CYRIB: variants seen among roughly 807,000 people sequenced by gnomAD.
CYRIB encodes CYFIP related Rac1 interactor B.
Under a neutral mutation model 44.2 loss-of-function variants are expected in CYRIB, and 8 were observed. That is an observed-to-expected ratio of 0.18 (90% CI 0.11 to 0.33). The LOEUF (loss-of-function observed/expected upper bound fraction) is 0.33. Among genes scored for constraint, CYRIB ranks in the 10% least tolerant of loss-of-function variants. The pLI is 1.00. For missense variants in CYRIB, 185 were observed against 382.8 expected, an observed-to-expected ratio of 0.48 and a Z score of 4.31; for synonymous variants, 131 against 127.2, an observed-to-expected ratio of 1.03 and a Z score of -0.20.
chr8:130,006,009 A>G (rs983710191), intron 1 of CYRIB, among the ~76,000 whole-genome samples: 7 of 152,058 alleles, frequency 4.6e-5, no homozygotes, highest in African/African-American at 1.7e-4. Flanking sequence ...GCTCATTAAA[A>G]ATATGACTCC....
chr8:129,972,969 G>A (rs1591494914), intron 1 of CYRIB, among the ~76,000 whole-genome samples: 2 of 152,230 alleles, frequency 1.3e-5, no homozygotes, highest in African/African-American at 4.8e-5. Context: ...TCAGTCTTTC[G>A]GAGCATCTGA....
At chr8:130,010,958 T>C (rs2097200347) in intron 1 of CYRIB, among the ~76,000 whole-genome samples, 1 of 152,170 alleles carries the variant, frequency 6.6e-6, no homozygotes, top group South Asian at 2.1e-4. Flanking sequence ...CCCCACGTGA[T>C]GCGCAGCACA....
intron 1 of CYRIB, among the ~76,000 whole-genome samples, chr8:129,933,084 T>G (rs1177098109): frequency 6.6e-6 from 1 of 152,086 alleles, no homozygotes; most frequent in East Asian, 1.9e-4. Context: ...AGCCAAGGAA[T>G]CCCCTAAACT....
At chr8:129,918,456 G>T (rs570242290) in intron 1 of CYRIB, among the ~76,000 whole-genome samples, 4 of 152,244 alleles carry the variant, frequency 2.6e-5, no homozygotes, top group African/African-American at 9.6e-5. Context: ...ACTTCCTGTG[G>T]AAATAATACT....
chr8:129,991,344 A>G (rs1420757766), intron 1 of CYRIB, among the ~76,000 whole-genome samples: 1 of 151,934 alleles, frequency 6.6e-6, no homozygotes, highest in Non-Finnish European at 1.5e-5. Flanking sequence ...GTAATCCCCA[A>G]TGTGGCTGTA....
At chr8:129,859,728 A>G (rs2132118264) in intron 5 of CYRIB, among the ~76,000 whole-genome samples, 1 of 152,362 alleles carries the variant, frequency 6.6e-6, no homozygotes, top group African/African-American at 2.4e-5. Flanking sequence ...ATGATTATAG[A>G]GCGAGGATTA....
At chr8:129,934,159 A>G (rs1255014539) in intron 1 of CYRIB, among the ~76,000 whole-genome samples, 1 of 152,154 alleles carries the variant, frequency 6.6e-6, no homozygotes, top group Non-Finnish European at 1.5e-5. Flanking sequence ...TCCCTGACAC[A>G]GCAATCAAGT....
intron 2 of CYRIB, among the ~76,000 whole-genome samples, chr8:129,888,704 G>A (rs1001290532): frequency 6.6e-6 from 1 of 152,078 alleles, no homozygotes; most frequent in Non-Finnish European, 1.5e-5. Flanking sequence ...AGTAGGCAGG[G>A]GTTTTGTTTT....
chr8:129,906,367 A>C lies in CYRIB; in HGVS notation c.-49-3017T>G, dbSNP rs571122536. Among the ~76,000 whole-genome samples, 6 of 152,382 alleles carry C rather than the reference A, an allele frequency of 3.9e-5. No individual in the cohort carries two copies. The South Asian group carries it at 8.3e-4, about 21-fold the overall frequency. ...GAAATGGGGAAAGGATTCCCTATTC[A>C]ACAAATGGTGCTGGGAAAACTGGCT... is the stretch of plus-strand genomic sequence containing the variant. On this transcript the variant is annotated intron_variant, in intron 1 of 11. Transcript: ENST00000519824.
In CYRIB at chr8:129,979,444, G is replaced by A. The variant is rs188590820; in HGVS notation, c.-295-8449C>T. Among the ~76,000 whole-genome samples the A allele has an allele frequency of 8.5e-5, 13 of 152,242 alleles. No individual in the cohort carries two copies. In the East Asian group the frequency reaches 2.3e-3, roughly 27 times the overall value. On this transcript the variant is annotated intron_variant, in intron 1 of 14. Coordinates refer to the CYRIB transcript ENST00000401979. Reference sequence around the variant, plus strand: ...TTTATTCACAAACTGTCTTCTCCGAGACTATAACCTTTTAGGTTGAACCAC... The same window carrying A: ...TTTATTCACAAACTGTCTTCTCCGAAACTATAACCTTTTAGGTTGAACCAC...
chr8:129,953,318 C>T, intron 2 of CYRIB, among the ~76,000 whole-genome samples: 1 of 152,206 alleles, frequency 6.6e-6, no homozygotes, highest in Admixed American at 6.5e-5. Flanking sequence ...TATCCAATAA[C>T]AGGGACCCTA....
rs1290457958 is a variant in CYRIB at position 129,857,258 on chromosome 8, G to GAAAATAAGTACAGTGGAAAGGTATA, written c.302-1536_302-1512dup. ...AATGATTACAGCTGTGATATGTGCT[G>GAAAATAAGTACAGTGGAAAGGTATA]AAAATAAGTACAGTGGAAAGGTATA... On this transcript the variant is annotated intron_variant, in intron 5 of 11. Coordinates refer to ENST00000519824, the Ensembl canonical transcript of CYRIB. Among the ~76,000 whole-genome samples, 5 of 152,256 alleles carry GAAAATAAGTACAGTGGAAAGGTATA rather than the reference G, an allele frequency of 3.3e-5. No individual in the cohort carries two copies. In the South Asian group the frequency reaches 1.0e-3, roughly 32 times the overall value.
At chr8:129,962,815 C>T (rs1388056505) in intron 2 of CYRIB, among the ~76,000 whole-genome samples, 1 of 152,144 alleles carries the variant, frequency 6.6e-6, no homozygotes, top group Non-Finnish European at 1.5e-5. Context: ...GATTAAAAAC[C>T]TACTATATTG....
chr8:129,924,039 G>A (rs2085621917), intron 1 of CYRIB, among the ~76,000 whole-genome samples: 1 of 149,268 alleles, frequency 6.7e-6, no homozygotes, highest in African/African-American at 2.5e-5. Context: ...GCAAGGCTGA[G>A]GCAGGAGAAC....
At chr8:129,948,731 C>T (rs988152755) in intron 2 of CYRIB, 1 of 152,270 alleles carries the variant, frequency 6.6e-6, no homozygotes, top group Non-Finnish European at 1.5e-5. Context: ...ACCCACCTTA[C>T]ATAGCATACC....
intron 2 of CYRIB, among the ~76,000 whole-genome samples, chr8:129,953,998 C>T (rs2094644077): frequency 6.6e-6 from 1 of 152,078 alleles, no homozygotes; most frequent in Non-Finnish European, 1.5e-5. Flanking sequence ...AAAAAATGGA[C>T]CAGTTAAGAA....
intron 2 of CYRIB, among the ~76,000 whole-genome samples, chr8:129,959,013 G>C (rs922524507): frequency 1.5e-5 from 2 of 137,824 alleles, no homozygotes; most frequent in Admixed American, 1.6e-4. Flanking sequence ...GCAGTGAGCC[G>C]AGATCATGCC....
intron 1 of CYRIB, among the ~76,000 whole-genome samples, chr8:129,932,858 G>T (rs2091920667): frequency 6.6e-6 from 1 of 152,078 alleles, no homozygotes; most frequent in Admixed American, 6.6e-5. Context: ...GAAGAAGGTG[G>T]GAATAAAGAC....
chr8:130,004,047 G>T (rs1184091723), intron 1 of CYRIB, among the ~76,000 whole-genome samples: 1 of 152,134 alleles, frequency 6.6e-6, no homozygotes. Context: ...GGCCTCACCA[G>T]GTCAAGAAAG....
Sources: gnomAD v4.1 joint callset for allele counts (sites outside exome capture counted in the v4.1 genomes callset) on GRCh38, gnomAD v4.1.1 for gene constraint, MANE v1.5 for transcripts, NCBI Gene and HGNC (gene_info 2026-07-23, HGNC 2026-07-21) for gene names.